Variants in TLE1 observed in about 807,000 individuals in gnomAD.
TLE1 encodes the protein TLE family member 1, transcriptional corepressor.
In TLE1, 21 loss-of-function variants were observed where a neutral mutation model predicts 89.8. That is an observed-to-expected ratio of 0.23 (90% CI 0.17 to 0.34). TLE1 has a LOEUF of 0.34. Ranked by LOEUF, TLE1 falls within the 10% of genes least tolerant of loss-of-function variation. The pLI is 1.00. For missense variants in TLE1, 795 were observed against 1,031.2 expected (o/e 0.77, Z 3.14); for synonymous variants, 447 against 407.6 (o/e 1.10, Z -1.16).
At chr9:81,652,151 A>G (rs953688225) in intron 6 of TLE1, 63 bp downstream of exon 6, 1 of 1,500,148 alleles carries the variant, frequency 6.7e-7, no homozygotes, top group Non-Finnish European at 9.2e-7. Flanking sequence ...AAAGCCATCA[A>G]ATTAATAAGA....
Position 81,634,161 on chromosome 9 carries a change from C to A in TLE1, c.513G>T (p.Leu171=), listed in dbSNP as rs373647454. 59 of 1,602,754 alleles carry A rather than the reference C, an allele frequency of 3.7e-5. No individual in the cohort carries two copies. The highest frequency in any genetic ancestry group is 3.3e-4 in the Middle Eastern group (2 of 6,046). ...TTATTGCCAAGTGAGACTGCCCACT[C>A]AGAGCACTAGACAGCGCAAGAAGGC... The part of the protein sequence containing the change: ...SAGLLALSSA[L]SGQSHLAIKD... The change falls in exon 7 of 20, where the codon CTG becomes CTT. Residue 171 remains leucine, a synonymous_variant. Transcript: ENST00000376499.
chr9:81,604,805 G>C (rs570085744), intron 14 of TLE1, among the ~76,000 whole-genome samples: 1 of 152,050 alleles, frequency 6.6e-6, no homozygotes, highest in Admixed American at 6.5e-5. Flanking sequence ...CTCTGTGCAC[G>C]ACACAGACTG....
chr9:81,683,062 A>G (rs1287198969), intron 4 of TLE1, among the ~76,000 whole-genome samples: 1 of 152,108 alleles, frequency 6.6e-6, no homozygotes, highest in Non-Finnish European at 1.5e-5. Flanking sequence ...TCACTTTAAA[A>G]CTTCCAGACA....
intron 14 of TLE1, among the ~76,000 whole-genome samples, chr9:81,606,089 T>C (rs1241040698): frequency 6.6e-6 from 1 of 152,166 alleles, no homozygotes; most frequent in Non-Finnish European, 1.5e-5. Flanking sequence ...TCATGCCAGT[T>C]AGAATGGCGA....
intron 14 of TLE1, among the ~76,000 whole-genome samples, chr9:81,608,081 C>G (rs1231827910): frequency 6.6e-6 from 1 of 152,202 alleles, no homozygotes; most frequent in Non-Finnish European, 1.5e-5. Flanking sequence ...CAAAACCACA[C>G]AAGGATGACC....
At chr9:81,661,679 C>T (rs1830813259) in intron 4 of TLE1, among the ~76,000 whole-genome samples, 1 of 152,034 alleles carries the variant, frequency 6.6e-6, no homozygotes, top group South Asian at 2.1e-4. Flanking sequence ...AAACAAAGCA[C>T]ACAAAGGAAA....
intron 14 of TLE1, among the ~76,000 whole-genome samples, chr9:81,603,900 G>T (rs1207746744): frequency 6.6e-6 from 1 of 152,168 alleles, no homozygotes; most frequent in Non-Finnish European, 1.5e-5. Flanking sequence ...GACTCGGGAG[G>T]CTGAGGCAGG....
At position 81,611,492 on chromosome 9, in the gene TLE1, A is replaced by C. The variant is rs1823700065; in HGVS notation, c.1254+277T>G. Among the ~76,000 whole-genome samples the C allele has an allele frequency of 2.0e-5, 3 of 152,260 alleles. No homozygotes were observed. The South Asian group carries it at 6.2e-4, about 32-fold the overall frequency. ...GTGGGAGAAAACCAGATGTCCCCTG[A>C]ACCACTGAAGGAGCTTCTAAACACT... On this transcript the variant is annotated intron_variant, in intron 13 of 19. Coordinates refer to ENST00000376499, the MANE Select transcript of TLE1 (RefSeq NM_005077.5).
At chr9:81,658,858 C>A (rs1301453249) in intron 4 of TLE1, among the ~76,000 whole-genome samples, 3 of 152,110 alleles carry the variant, frequency 2.0e-5, no homozygotes, top group African/African-American at 7.2e-5. Context: ...TAATTTAGCA[C>A]AAATTAACAA....
At chr9:81,670,170 G>A (rs1290659457) in intron 4 of TLE1, among the ~76,000 whole-genome samples, 1 of 152,182 alleles carries the variant, frequency 6.6e-6, no homozygotes, top group Non-Finnish European at 1.5e-5. Context: ...CAGTCCTCCT[G>A]AGTAATAGAC....
chr9:81,673,090 T>C (rs1372081531), intron 4 of TLE1, among the ~76,000 whole-genome samples: 1 of 151,466 alleles, frequency 6.6e-6, no homozygotes, highest in Non-Finnish European at 1.5e-5. Context: ...CTGGCCAACA[T>C]GGTGAAATCC....
intron 8 of TLE1, 119 bp downstream of exon 8, chr9:81,633,229 A>C: frequency 2.0e-6 from 3 of 1,511,926 alleles, no homozygotes; most frequent in South Asian, 2.6e-5. Flanking sequence ...ACTGAGAGAG[A>C]CAGGGAGAGT....
chr9:81,584,469 G>A lies in TLE1; in HGVS notation c.2184C>T (p.Pro728=), dbSNP rs781206668. 10 of 1,614,174 alleles carry A rather than the reference G, an allele frequency of 6.2e-6. No individual in the cohort carries two copies. Among genetic ancestry groups the A allele is most frequent in the Non-Finnish European group, 8.5e-6 (10 of 1,180,032 alleles). Residue 728 remains proline, a synonymous_variant, in exon 19 of 20, where the codon CCC becomes CCT. Coordinates refer to ENST00000376499, the MANE Select transcript of TLE1 (RefSeq NM_005077.5). ...TCACCTGGAATATGCTGGCTCCATA[G>A]GGGGTCCGCCAAGCATTGAGGAGGT... The part of the protein sequence containing the change: ...KDNLLNAWRT[P]YGASIFQSKE...
intron 11 of TLE1, among the ~76,000 whole-genome samples, chr9:81,615,121 AGAAG>A (rs1824282881): frequency 8.8e-6 from 1 of 114,186 alleles, no homozygotes; most frequent in Non-Finnish European, 1.7e-5. Context: ...AAAAAAAAAA[AGAAG>A]AAGAAGAAGA....
At chr9:81,669,111 T>C (rs1345860645) in intron 4 of TLE1, among the ~76,000 whole-genome samples, 1 of 152,236 alleles carries the variant, frequency 6.6e-6, no homozygotes, top group East Asian at 1.9e-4. Context: ...GCACTCCTTC[T>C]GGAAGAACAG....
intron 4 of TLE1, among the ~76,000 whole-genome samples, chr9:81,678,456 G>A (rs1833177651): frequency 6.6e-6 from 1 of 152,168 alleles, no homozygotes; most frequent in Non-Finnish European, 1.5e-5. Flanking sequence ...CTGGGCTCAA[G>A]TGATCCTCTG....
At chr9:81,648,864 C>T (rs1829196045) in intron 6 of TLE1, among the ~76,000 whole-genome samples, 1 of 152,120 alleles carries the variant, frequency 6.6e-6, no homozygotes, top group Non-Finnish European at 1.5e-5. Flanking sequence ...GATCTAAAAA[C>T]TCAAGGTCTC....
At chr9:81,662,072 G>T (rs1258473742) in intron 4 of TLE1, among the ~76,000 whole-genome samples, 1 of 152,176 alleles carries the variant, frequency 6.6e-6, no homozygotes, top group Non-Finnish European at 1.5e-5. Context: ...TTCCATGCAT[G>T]AAGCTGTTCA....
chr9:81,600,424 C>T (rs1830757246), intron 14 of TLE1, among the ~76,000 whole-genome samples: 3 of 151,896 alleles, frequency 2.0e-5, no homozygotes, highest in African/African-American at 7.3e-5. Flanking sequence ...CAGGAGGATC[C>T]CCTGAGCTCA....
Sources: gnomAD v4.1 joint callset for allele counts (sites outside exome capture counted in the v4.1 genomes callset) on GRCh38, gnomAD v4.1.1 for gene constraint, MANE v1.5 for transcripts, NCBI Gene and HGNC (gene_info 2026-07-23, HGNC 2026-07-21) for gene names.